Variants in SORCS2 observed in about 807,000 individuals in gnomAD.
SORCS2 encodes sortilin related VPS10 domain containing receptor 2, also known as VPS10 domain-containing receptor SorCS2.
In SORCS2, 100 loss-of-function variants were observed where a neutral mutation model predicts 141.6. That is an observed-to-expected ratio of 0.71 (90% confidence interval 0.60 to 0.83). The LOEUF is 0.83. Among genes scored for constraint, SORCS2 ranks in the 40% least tolerant of loss-of-function variants. The pLI, the probability that SORCS2 is intolerant of heterozygous loss-of-function variation, is 0.00. For missense variants in SORCS2, 1,646 were observed against 1,560.2 expected, an observed-to-expected ratio of 1.05 and a Z score of -0.93; for synonymous variants, 789 against 676.9, an observed-to-expected ratio of 1.17 and a Z score of -2.57.
In SORCS2 at chr4:7,198,165, G is replaced by A. The variant is rs376262550; in HGVS notation, c.480+5039G>A. ...GTGGAGGGGGCTGAGGGAGAGGAGA[G>A]TGGGCTGGAGAGAGGTGCGTGGCTG... On this transcript the variant is annotated intron_variant, in intron 1 of 26. Transcript: ENST00000507866. Among the ~76,000 whole-genome samples the A allele has an allele frequency of 1.9e-4, 29 of 152,274 alleles. No individual in the cohort carries two copies. The South Asian group carries it at 5.6e-3, about 29-fold the overall frequency.
rs1443561742 is a variant in SORCS2, at chr4:7,676,070, G to A, written c.1182G>A (p.Thr394=). Residue 394 remains threonine (T), a synonymous_variant, in exon 9 of 27, where the codon ACG becomes ACA. Transcript: ENST00000507866. ...CACAGGATCTGCAGATCATCAGCAC[G>A]GACGAGAGTCAGGTGTTCGTGGCGG... is the stretch of plus-strand genomic sequence containing the variant. ...ALPKDLQIIS[T]DESQVFVAVQ... 10 of 1,589,104 alleles carry A rather than the reference G, an allele frequency of 6.3e-6. No individual in the cohort carries two copies. The highest frequency in any genetic ancestry group is 1.1e-5 in the South Asian group (1 of 87,132).
intron 3 of SORCS2, among the ~76,000 whole-genome samples, chr4:7,618,468 C>T (rs12500950): frequency 0.2 from 29,971 of 152,124 alleles, 3,026 homozygotes; most frequent in Middle Eastern, 0.23. Flanking sequence ...AATGGTTCCC[C>T]ATCCCACATT....
chr4:7,671,793 T>A (rs1228762234), intron 8 of SORCS2, among the ~76,000 whole-genome samples: 2 of 152,126 alleles, frequency 1.3e-5, no homozygotes, highest in Non-Finnish European at 2.9e-5. Flanking sequence ...AGAGACTATT[T>A]GAAGAAATAA....
Position 7,311,132 on chromosome 4 carries a change from C to T in SORCS2, c.481-85156C>T, listed in dbSNP as rs529137286. On this transcript the variant is annotated intron_variant, in intron 1 of 26. Transcript: ENST00000507866. ...TCCCAGACACCCACTGTCTCCTTCC[C>T]GCCACTATAGATCAGTTGGCCTTTC... 5.9e-5 allele frequency among the ~76,000 whole-genome samples: 9 copies of T among 152,228 alleles called. No homozygotes were observed. The East Asian group carries it at 1.4e-3, about 23-fold the overall frequency.
chr4:7,654,264 TC>T (rs1320755833), intron 5 of SORCS2, 57 bp downstream of exon 5: 6 of 1,525,174 alleles, frequency 3.9e-6, no homozygotes, highest in East Asian at 4.9e-5. Context: ...TGAGAGCACT[TC>T]CCCCAAACCC....
rs1408841287 is a variant in SORCS2 at position 7,629,561 on chromosome 4, AC to A, written c.649-8761del. On this transcript the variant is annotated intron_variant, in intron 3 of 26. Transcript: ENST00000507866. ...CCACTCTCCAGCGCCCTACCCCCCA[AC>A]CCCCCTCGCTCCCCACCCGCTGATC... 1.7e-3 allele frequency among the ~76,000 whole-genome samples: 249 copies of A among 150,126 alleles called. 2 individuals carry two copies. In the Middle Eastern group the frequency reaches 0.034, roughly 21 times the overall value.
At chr4:7,365,721 C>G (rs1250676461) in intron 1 of SORCS2, among the ~76,000 whole-genome samples, 1 of 152,166 alleles carries the variant, frequency 6.6e-6, no homozygotes, top group African/African-American at 2.4e-5. Context: ...TCGAACCTGG[C>G]ACACCTGCAA....
At chr4:7,458,578 C>T (rs544235489) in intron 2 of SORCS2, among the ~76,000 whole-genome samples, 2 of 152,344 alleles carry the variant, frequency 1.3e-5, no homozygotes, top group African/African-American at 4.8e-5. Flanking sequence ...CTGCTTAAAA[C>T]TTGTTAAACA....
chr4:7,337,359 G>T (rs1196928280), intron 1 of SORCS2, among the ~76,000 whole-genome samples: 1 of 152,168 alleles, frequency 6.6e-6, no homozygotes, highest in Admixed American at 6.5e-5. Context: ...GGTTGTCAGG[G>T]GGCAGGAGTG....
At chr4:7,680,389 T>C (rs1723448079) in intron 9 of SORCS2, among the ~76,000 whole-genome samples, 1 of 151,990 alleles carries the variant, frequency 6.6e-6, no homozygotes, top group Non-Finnish European at 1.5e-5. Context: ...TGACATGGAG[T>C]CCTGGGTTTC....
intron 2 of SORCS2, among the ~76,000 whole-genome samples, chr4:7,484,319 T>A (rs576012156): frequency 7.0e-4 from 106 of 152,350 alleles, no homozygotes; most frequent in African/African-American, 2.5e-3. Flanking sequence ...GTCACCCGAC[T>A]TTTACATTTT....
At chr4:7,514,458 C>A (rs1323402041) in intron 2 of SORCS2, among the ~76,000 whole-genome samples, 1 of 151,618 alleles carries the variant, frequency 6.6e-6, no homozygotes, top group Non-Finnish European at 1.5e-5. Flanking sequence ...AAACAAAATC[C>A]AGGCCTGTTG....
At chr4:7,506,947 T>A (rs1309612714) in intron 2 of SORCS2, among the ~76,000 whole-genome samples, 1 of 152,110 alleles carries the variant, frequency 6.6e-6, no homozygotes. Flanking sequence ...TAGGAAGATT[T>A]CCACAAAGGT....
At chr4:7,594,565 A>G (rs1428470808) in intron 3 of SORCS2, among the ~76,000 whole-genome samples, 2 of 152,184 alleles carry the variant, frequency 1.3e-5, no homozygotes, top group African/African-American at 4.8e-5. Context: ...AGACCTGCCC[A>G]GGGCGCATCC....
chr4:7,356,940 G>A (rs11737665), intron 1 of SORCS2, among the ~76,000 whole-genome samples: 45 of 152,246 alleles, frequency 3.0e-4, no homozygotes, highest in Non-Finnish European at 5.4e-4. Flanking sequence ...AATGTGCTGA[G>A]TGCTTGGCCA....
chr4:7,566,752 G>T (rs955405371), intron 3 of SORCS2, among the ~76,000 whole-genome samples: 42 of 152,092 alleles, frequency 2.8e-4, no homozygotes, highest in East Asian at 7.7e-4. Context: ...ACATGGCCTG[G>T]CTTACCTTAG....
At chr4:7,418,968 C>G (rs1219089238) in intron 2 of SORCS2, among the ~76,000 whole-genome samples, 1 of 152,206 alleles carries the variant, frequency 6.6e-6, no homozygotes, top group Non-Finnish European at 1.5e-5. Flanking sequence ...CACAGGGCAC[C>G]TGGGCAGAGG....
chr4:7,519,859 G>A (rs533986280), intron 2 of SORCS2, among the ~76,000 whole-genome samples: 37 of 152,334 alleles, frequency 2.4e-4, no homozygotes, highest in African/African-American at 8.4e-4. Context: ...GCATTTCAGT[G>A]GTCTCTGTGC....
intron 3 of SORCS2, among the ~76,000 whole-genome samples, chr4:7,594,271 T>C (rs1482288543): frequency 6.6e-6 from 1 of 152,184 alleles, no homozygotes; most frequent in Non-Finnish European, 1.5e-5. Flanking sequence ...GGTCCCGCGA[T>C]CATAAAAGCT....
Sources: gnomAD v4.1 joint callset for allele counts (sites outside exome capture counted in the v4.1 genomes callset) on GRCh38, gnomAD v4.1.1 for gene constraint, MANE v1.5 for transcripts, NCBI Gene and HGNC (gene_info 2026-07-23, HGNC 2026-07-21) for gene names.